PCDH15: variants seen among roughly 807,000 people sequenced by gnomAD.
PCDH15 encodes the protein protocadherin-15.
In PCDH15, 129 loss-of-function variants were observed where a neutral mutation model predicts 178.5. The observed-to-expected ratio is 0.72, with a 90% CI of 0.63 to 0.84. The LOEUF (loss-of-function observed/expected upper bound fraction) is 0.84, where lower values mean the gene tolerates loss of function less well. PCDH15 is among the 40% of genes least tolerant of loss of function. The pLI is 0.00. For synonymous variants in PCDH15, 800 were observed against 732.0 expected, an observed-to-expected ratio of 1.09 and a Z score of -1.50; for missense variants, 2,230 against 2,099.9, an observed-to-expected ratio of 1.06 and a Z score of -1.21.
At chr10:54,262,972 C>CGGGCTGCAAGCTGGGCTGAAAATCAG (rs1564816637) in intron 8 of PCDH15, among the ~76,000 whole-genome samples, 5 of 152,208 alleles carry the variant, frequency 3.3e-5, no homozygotes, top group Non-Finnish European at 7.3e-5. Context: ...CTGAAAATCA[C>CGGGCTGCAAGCTGGGCTGAAAATCAG]GGGCTGCAAG....
intron 28 of PCDH15, among the ~76,000 whole-genome samples, chr10:53,850,993 C>A (rs998149441): frequency 6.6e-6 from 1 of 152,024 alleles, no homozygotes; most frequent in African/African-American, 2.4e-5. Flanking sequence ...AACTTGAAAT[C>A]GTCCAAGTGA....
chr10:54,945,379 AG>A, intron 2 of PCDH15, among the ~76,000 whole-genome samples: 1 of 151,670 alleles, frequency 6.6e-6, no homozygotes, highest in South Asian at 2.1e-4. Flanking sequence ...ATAGATAGAT[AG>A]ATAGATAGAT....
chr10:54,720,916 C>T (rs1006299427), intron 1 of PCDH15, among the ~76,000 whole-genome samples: 1 of 151,978 alleles, frequency 6.6e-6, no homozygotes, highest in Non-Finnish European at 1.5e-5. Flanking sequence ...CATTACATTT[C>T]ATCCTAAACC....
intron 8 of PCDH15, among the ~76,000 whole-genome samples, chr10:54,305,352 C>T (rs544737305): frequency 1.8e-4 from 27 of 151,742 alleles, no homozygotes; most frequent in Non-Finnish European, 3.2e-4. Flanking sequence ...CAGTGAAGCA[C>T]TTTTTAAAAA....
chr10:54,278,151 T>C (rs553306023), intron 8 of PCDH15, among the ~76,000 whole-genome samples: 1 of 151,664 alleles, frequency 6.6e-6, no homozygotes, highest in Admixed American at 6.6e-5. Context: ...TGATGTAAAT[T>C]TTTTTATGTG....
chr10:55,204,011 G>C (rs1321754875), intron 1 of PCDH15, among the ~76,000 whole-genome samples: 1 of 151,664 alleles, frequency 6.6e-6, no homozygotes, highest in Non-Finnish European at 1.5e-5. Flanking sequence ...AGGAGTTTGA[G>C]ATCAGCCTGT....
Position 54,421,157 on chromosome 10 carries a change from G to A in PCDH15, c.158-42215C>T, listed in dbSNP as rs74478985. On this transcript the variant is annotated intron_variant, in intron 3 of 37. Transcript: ENST00000644397. The stretch of plus-strand genomic sequence containing the variant: ...GCAGCAATTATTAGTGAAGTTTTAC[G>A]TTTCAATATTACATCTAAAACAAAA... 3.1e-3 allele frequency among the ~76,000 whole-genome samples: 475 copies of A among 151,878 alleles called. 1 individual carries two copies. The highest frequency in any genetic ancestry group is 0.011 in the African/African-American group (440 of 41,448).
intron 2 of PCDH15, among the ~76,000 whole-genome samples, chr10:54,563,118 T>C (rs1413386053): frequency 6.6e-6 from 1 of 152,212 alleles, no homozygotes; most frequent in African/African-American, 2.4e-5. Flanking sequence ...AAAAAAGTGC[T>C]ATCAAGGTGG....
chr10:53,820,691 A>ATATT (rs2076228076), intron 32 of PCDH15, among the ~76,000 whole-genome samples: 1 of 152,078 alleles, frequency 6.6e-6, no homozygotes, highest in African/African-American at 2.4e-5. Flanking sequence ...TGATGGTCAC[A>ATATT]TATTATACAT....
chr10:54,247,207 A>C (rs11004175), intron 8 of PCDH15, among the ~76,000 whole-genome samples: 14,943 of 151,842 alleles, frequency 0.098, 2,126 homozygotes, highest in African/African-American at 0.32. Flanking sequence ...CATATCCTGA[A>C]TGTATGAAGT....
chr10:55,123,424 C>A (rs1480797413), intron 2 of PCDH15, among the ~76,000 whole-genome samples: 2 of 151,884 alleles, frequency 1.3e-5, no homozygotes, highest in Non-Finnish European at 2.9e-5. Context: ...AATTAAAATT[C>A]AAATCTGATT....
chr10:54,209,367 T>C (rs955899789), intron 10 of PCDH15, among the ~76,000 whole-genome samples: 2 of 152,016 alleles, frequency 1.3e-5, no homozygotes, highest in Non-Finnish European at 2.9e-5. Flanking sequence ...TGTAAGATCA[T>C]GGGCCAAGAG....
chr10:54,192,492 AAATC>A (rs1221332568), intron 11 of PCDH15, among the ~76,000 whole-genome samples: 1 of 152,132 alleles, frequency 6.6e-6, no homozygotes, highest in African/African-American at 2.4e-5. Context: ...GAAAACATAA[AAATC>A]AAGCAAGACT....
intron 2 of PCDH15, among the ~76,000 whole-genome samples, chr10:55,546,251 A>G (rs1841880230): frequency 1.3e-5 from 2 of 152,150 alleles, no homozygotes; most frequent in African/African-American, 4.8e-5. Context: ...TTTTCTCATA[A>G]TTGATATTTC....
At chr10:54,572,819 T>C (rs1406387180) in intron 2 of PCDH15, among the ~76,000 whole-genome samples, 1 of 151,994 alleles carries the variant, frequency 6.6e-6, no homozygotes, top group Non-Finnish European at 1.5e-5. Flanking sequence ...ACCAGAAAAA[T>C]AAAAGAGAAA....
rs113487299 is a variant in PCDH15, at chr10:54,290,826, C to A, written c.876+26445G>T. Among the ~76,000 whole-genome samples, 932 of 152,284 alleles carry A rather than the reference C, an allele frequency of 6.1e-3. 8 individuals are homozygous for A. Among genetic ancestry groups the A allele is most frequent in the African/African-American group, 0.021 (892 of 41,552 alleles). On this transcript the variant is annotated intron_variant, in intron 8 of 37. Transcript: ENST00000644397. ...GCCATTACATAATGGTTAAAGGGAT[C>A]AATTCAACAAGAAGAGCTAACTATC...
At chr10:53,969,464 C>T (rs915576876) in intron 21 of PCDH15, among the ~76,000 whole-genome samples, 7 of 152,108 alleles carry the variant, frequency 4.6e-5, no homozygotes, top group Admixed American at 6.6e-5. Context: ...ACTTCCCCAA[C>T]CTAACAAGGC....
chr10:54,678,242 G>A (rs2094829244), intron 1 of PCDH15, among the ~76,000 whole-genome samples: 1 of 152,078 alleles, frequency 6.6e-6, no homozygotes, highest in South Asian at 2.1e-4. Context: ...TGCATTTTGG[G>A]CATAGTCATC....
At chr10:54,112,276 A>G (rs897003317) in intron 15 of PCDH15, among the ~76,000 whole-genome samples, 1 of 152,030 alleles carries the variant, frequency 6.6e-6, no homozygotes, top group African/African-American at 2.4e-5. Flanking sequence ...TTTGTTGGAG[A>G]GGGGATTTCC....
Sources: gnomAD v4.1 joint callset for allele counts (sites outside exome capture counted in the v4.1 genomes callset) on GRCh38, gnomAD v4.1.1 for gene constraint, MANE v1.5 for transcripts, NCBI Gene and HGNC (gene_info 2026-07-23, HGNC 2026-07-21) for gene names.